The following IRF6 variants were observed in gnomAD, a reference collection of about 807,000 sequenced individuals.
IRF6 encodes the protein interferon regulatory factor 6.
In IRF6, 6 loss-of-function variants were observed where a neutral mutation model predicts 51.4. The ratio of observed to expected loss-of-function variants is 0.12; its 90% CI spans 0.06 to 0.23. The LOEUF is 0.23. Among genes scored for constraint, IRF6 ranks in the 10% least tolerant of loss-of-function variants. The pLI, the probability that IRF6 is intolerant of heterozygous loss-of-function variation, is 1.00. For synonymous variants in IRF6, 178 were observed against 215.7 expected (o/e 0.83, Z 1.53); for missense variants, 348 against 585.2 (o/e 0.59, Z 4.18).
rs575499449 is a variant in IRF6, at chr1:209,801,421, G to C, written c.-3-5C>G. ...GCGGGGGTGGAGGGCCATGATCTGG[G>C]GGGGTCAGAGGGAGAAATGGGAAGA... On this transcript the variant is annotated splice_region_variant and splice_polypyrimidine_tract_variant and intron_variant, in intron 2 of 8. Coordinates refer to ENST00000367021, the MANE Select transcript of IRF6 (RefSeq NM_006147.4). 1 of 1,569,720 alleles carries C rather than the reference G, an allele frequency of 6.4e-7. No homozygotes were observed. The highest frequency in any genetic ancestry group is 1.4e-5 in the African/African-American group (1 of 73,052).
At chr1:209,793,057 AAG>A (rs67652997) in intron 5 of IRF6, 49,379 of 143,758 alleles carry the variant, frequency 0.34, 8,541 homozygotes, top group East Asian at 0.56. Flanking sequence ...GGTTTAAAAA[AAG>A]AAAAAAGAGT....
intron 3 of IRF6, among the ~76,000 whole-genome samples, chr1:209,798,563 G>C (rs1050365882): frequency 2.6e-5 from 4 of 152,136 alleles, no homozygotes; most frequent in Non-Finnish European, 5.9e-5. Flanking sequence ...ATTGCACTGG[G>C]CACCCAAGGC....
At position 209,786,895 on chromosome 1, in the gene IRF6, CCTTA is replaced by C. The variant is rs1272769391; in HGVS notation, c.*1521_*1524del. The C allele has an allele frequency of 6.6e-6, 1 of 152,132 alleles. No homozygotes were observed. Among genetic ancestry groups the C allele is most frequent in the Non-Finnish European group, 1.5e-5 (1 of 68,028 alleles). The allele number at this position is 152,132 out of a possible 1,614,324, so 9.4% of individuals were successfully genotyped here. A position where few individuals can be genotyped will look rare whatever the true frequency, so the allele number is the denominator to read the frequency against. On this transcript the variant is annotated 3_prime_UTR_variant, in exon 9 of 9. Coordinates refer to ENST00000367021, the MANE Select transcript of IRF6 (RefSeq NM_006147.4). ...AAGGTACCAGACTAGACATGGGCTT[CCTTA>C]CTATGTCCCGACACAGACAGATAGG...
In IRF6 at chr1:209,796,388, C is replaced by G; in HGVS notation, c.339G>C (p.Val113=). 2 of 1,614,182 alleles carry G rather than the reference C, an allele frequency of 1.2e-6. No homozygotes were observed. Among genetic ancestry groups the G allele is most frequent in the Non-Finnish European group, 1.7e-6 (2 of 1,180,050 alleles). ...VPMNPVKIYQ[V]CDIPQPQGSI... is the part of the protein sequence containing the mutation. ...AGCCCTGGGGCTGAGGGATGTCACA[C>G]ACTTGATATATCTTCACTGGGTTCA... The change falls in exon 4 of 9, where the codon GTG becomes GTC. Residue 113 remains valine, a synonymous_variant. Coordinates refer to ENST00000367021, the MANE Select transcript of IRF6 (RefSeq NM_006147.4). The surrounding 1 kb of genome is among the most constrained non-coding windows in gnomAD (Gnocchi z 4.5).
rs370221377 is a variant in IRF6 at position 209,796,312 on chromosome 1, T to A, written c.379+36A>T. 6.3e-7 allele frequency: 1 copy of A among 1,576,356 alleles called. No homozygotes were observed. Among genetic ancestry groups the A allele is most frequent in the African/African-American group, 1.3e-5 (1 of 74,202 alleles). Reference sequence around the variant, plus strand: ...TAAGAGTGCAGCCCAGAATCTGGCATGCTGCCCACCTTCTCCCCAGCACCT... The same window carrying A: ...TAAGAGTGCAGCCCAGAATCTGGCAAGCTGCCCACCTTCTCCCCAGCACCT... On this transcript the variant is annotated intron_variant, in intron 4 of 8. Coordinates refer to ENST00000367021, the MANE Select transcript of IRF6 (RefSeq NM_006147.4). This position sits in a 1 kb window ranked among gnomAD's most constrained non-coding sequence, Gnocchi z 4.5.
In IRF6 at chr1:209,796,634, A is replaced by AACACAC. The variant is rs3028134; in HGVS notation, c.175-88_175-83dup. 51,998 of 581,512 alleles carry AACACAC rather than the reference A, an allele frequency of 0.089. 1,356 individuals carry two copies. The highest frequency in any genetic ancestry group is 0.15 in the African/African-American group (7,490 of 48,516). 36.0% of individuals were successfully genotyped at this position (581,512 alleles called of 1,614,324 possible). ...GTGCTTACCCTTTCTCATAGACACA[A>AACACAC]ACACACACACACACACACACACACA... On this transcript the variant is annotated intron_variant, in intron 3 of 8. Transcript: ENST00000367021. The surrounding 1 kb of genome is among the most constrained non-coding windows in gnomAD (Gnocchi z 4.5).
Position 209,786,709 on chromosome 1 carries a change from A to G in IRF6, c.*1711T>C, listed in dbSNP as rs1167330167. 2.0e-5 allele frequency: 3 copies of G among 151,980 alleles called. No individual in the cohort carries two copies. Among genetic ancestry groups the G allele is most frequent in the Non-Finnish European group, 2.9e-5 (2 of 67,998 alleles). The allele number at this position is 151,980 out of a possible 1,614,324, so 9.4% of individuals were successfully genotyped here. ...TCTTAATCTTTTCATGCTTTTCATA[A>G]TAGCAAATTCCACTAGGTCTCTTAG... On this transcript the variant is annotated 3_prime_UTR_variant, in exon 9 of 9. Transcript: ENST00000367021.
Position 209,795,383 on chromosome 1 carries a change from T to C in IRF6, c.415A>G (p.Asn139Asp), listed in dbSNP as rs147425628. Reference protein sequence around the residue: ...TGSAPWDEKDNDVDEEDEEDE... With the variant: ...TGSAPWDEKDDDVDEEDEEDE... The stretch of plus-strand genomic sequence containing the variant: ...TCCTCATCTTCTTCATCCACATCAT[T>C]ATCCTTCTCATCCCAGGGAGCAGAC... Residue 139 changes from asparagine (N) to aspartate (D), a missense_variant, in exon 5 of 9, where the codon AAT becomes GAT. Asn to Asp is a conservative substitution (Grantham distance 23, BLOSUM62 1). Transcript: ENST00000367021. 8 of 1,614,054 alleles carry C rather than the reference T, an allele frequency of 5.0e-6. No individual in the cohort carries two copies. In the African/African-American group the frequency reaches 9.3e-5, roughly 19 times the overall value.
At chr1:209,799,749 G>C (rs2077927808) in intron 3 of IRF6, among the ~76,000 whole-genome samples, 1 of 152,184 alleles carries the variant, frequency 6.6e-6, no homozygotes, top group Non-Finnish European at 1.5e-5. Flanking sequence ...AGGCCAAATG[G>C]GCCAAGATGG....
chr1:209,803,985 C>A, intron 1 of IRF6, among the ~76,000 whole-genome samples: 1 of 152,050 alleles, frequency 6.6e-6, no homozygotes, highest in Non-Finnish European at 1.5e-5. Flanking sequence ...GAAATAAATA[C>A]AACAATGCAA....
In IRF6 at chr1:209,790,272, T is replaced by C. The variant is rs2077861126; in HGVS notation, c.1060+223A>G. 6.6e-6 allele frequency among the ~76,000 whole-genome samples: 1 copy of C among 152,242 alleles called. No homozygotes were observed. Among genetic ancestry groups the C allele is most frequent in the Admixed American group, 6.5e-5 (1 of 15,286 alleles). ...GAAGGAGCCACAACCAACTTAAAAA[T>C]AGCTTCCAAGTACATAGCTTTGGAG... On this transcript the variant is annotated intron_variant, in intron 7 of 8. Coordinates refer to ENST00000367021, the MANE Select transcript of IRF6 (RefSeq NM_006147.4). The surrounding 1 kb of genome is among the most constrained non-coding windows in gnomAD (Gnocchi z 4.8).
Position 209,795,767 on chromosome 1 carries a change from A to G in IRF6, c.380-349T>C, listed in dbSNP as rs180761677. 4.4e-4 allele frequency among the ~76,000 whole-genome samples: 67 copies of G among 152,338 alleles called. No homozygotes were observed. In the East Asian group the frequency reaches 0.012, roughly 26 times the overall value. On this transcript the variant is annotated intron_variant, in intron 4 of 8. Transcript: ENST00000367021. ...AAGAACTTATTACCCTGATCTTGTC[A>G]CTATTATATGTACCAAAACATCACT...
chr1:209,805,792 G>A (rs1317269575), intron 1 of IRF6, among the ~76,000 whole-genome samples, 155 bp downstream of exon 1: 1 of 152,094 alleles, frequency 6.6e-6, no homozygotes, highest in African/African-American at 2.4e-5. Context: ...GGAAAAGGGC[G>A]ACAGGCACCC....
intron 3 of IRF6, among the ~76,000 whole-genome samples, chr1:209,797,901 CA>C (rs2077914018): frequency 6.6e-6 from 1 of 152,186 alleles, no homozygotes; most frequent in Non-Finnish European, 1.5e-5. Flanking sequence ...AGGAAGCACA[CA>C]CCAACGTTTT....
Position 209,790,382 on chromosome 1 carries a change from T to G in IRF6, c.1060+113A>C. On this transcript the variant is annotated intron_variant, in intron 7 of 8. Coordinates refer to ENST00000367021, the MANE Select transcript of IRF6 (RefSeq NM_006147.4). This position sits in a 1 kb window ranked among gnomAD's most constrained non-coding sequence, Gnocchi z 4.8. ...TCCCTTGACCTCCTCCAGACTAAATTTTTTAAGATCTTTGCCATGCCAGGA... is the reference window on the plus strand; with the variant it reads ...TCCCTTGACCTCCTCCAGACTAAATGTTTTAAGATCTTTGCCATGCCAGGA... The G allele has an allele frequency of 1.5e-6, 2 of 1,336,590 alleles. No homozygotes were observed. The highest frequency in any genetic ancestry group is 2.1e-6 in the Non-Finnish European group (2 of 940,060). 82.8% of individuals were successfully genotyped at this position (1,336,590 alleles called of 1,614,324 possible).
intron 1 of IRF6, among the ~76,000 whole-genome samples, chr1:209,803,288 A>G (rs1192728966): frequency 2.0e-5 from 3 of 152,234 alleles, no homozygotes; most frequent in Non-Finnish European, 4.4e-5. Flanking sequence ...CAGTCAATCT[A>G]GTAAAGAGCT....
In IRF6 at chr1:209,788,395, A is replaced by G; in HGVS notation, c.*25T>C. On this transcript the variant is annotated 3_prime_UTR_variant, in exon 9 of 9. Coordinates refer to ENST00000367021, the MANE Select transcript of IRF6 (RefSeq NM_006147.4). ...CCATATGTACAATATTATAAAAAAG[A>G]GAAGGAAGAAGATGGCATTCACAAT... The G allele has an allele frequency of 7.0e-7, 1 of 1,422,780 alleles. No individual in the cohort carries two copies. Among genetic ancestry groups the G allele is most frequent in the Non-Finnish European group, 9.9e-7 (1 of 1,007,910 alleles). 88.1% of individuals were successfully genotyped at this position (1,422,780 alleles called of 1,614,324 possible).
rs181077461 is a variant in IRF6, at chr1:209,785,678, C to T, written c.*2742G>A. The T allele has an allele frequency of 3.9e-5, 6 of 152,198 alleles. No homozygotes were observed. Among genetic ancestry groups the T allele is most frequent in the African/African-American group, 1.2e-4 (5 of 41,536 alleles). The allele number at this position is 152,198 out of a possible 1,614,324, so 9.4% of individuals were successfully genotyped here. A position where few individuals can be genotyped will look rare whatever the true frequency, so the allele number is the denominator to read the frequency against. On this transcript the variant is annotated 3_prime_UTR_variant, in exon 9 of 9. Transcript: ENST00000367021. ...TTCCCATGGTGGTTAACAGTAAATC[C>T]CTAAAAGACTGATTTAGTTCATTCA...
intron 3 of IRF6, among the ~76,000 whole-genome samples, chr1:209,800,664 C>T (rs888995984): frequency 2.6e-5 from 4 of 151,988 alleles, no homozygotes; most frequent in Non-Finnish European, 4.4e-5. Context: ...GAGGTTGAGG[C>T]GGGAGGATCG....
Sources: gnomAD v4.1 joint callset for allele counts (sites outside exome capture counted in the v4.1 genomes callset) on GRCh38, gnomAD v4.1.1 for gene constraint, Gnocchi (gnomAD v3.1) non-coding constraint, MANE v1.5 for transcripts, NCBI Gene and HGNC (gene_info 2026-07-23, HGNC 2026-07-21) for gene names.